SV2C: variants seen among roughly 807,000 people sequenced by gnomAD.
SV2C encodes the protein solute carrier family 22 member B3.
Under a neutral mutation model 79.7 loss-of-function variants are expected in SV2C, and 49 were observed. The observed-to-expected ratio is 0.61, with a 90% CI of 0.49 to 0.78. The LOEUF (loss-of-function observed/expected upper bound fraction) is 0.78, where lower values mean the gene tolerates loss of function less well. Ranked by LOEUF, SV2C falls within the 30% of genes least tolerant of loss-of-function variation. The pLI is 0.00. For missense variants in SV2C, 833 were observed against 912.9 expected (o/e 0.91, Z 1.13); for synonymous variants, 334 against 333.2 (o/e 1.00, Z -0.03).
At chr5:76,044,244 T>A in the SV2C span, among the ~76,000 whole-genome samples, 1 of 152,346 alleles carries the variant, frequency 6.6e-6, no homozygotes, top group Non-Finnish European at 1.5e-5. Flanking sequence ...ATTATATCAT[T>A]ACTTTTTATG....
At chr5:76,042,928 A>G in the SV2C span, among the ~76,000 whole-genome samples, 5 of 152,124 alleles carry the variant, frequency 3.3e-5, no homozygotes, top group East Asian at 1.9e-4. Context: ...AATGAGGTCT[A>G]TTTCTTCTCC....
At chr5:76,211,061 T>C (rs1447186764) in intron 4 of SV2C, among the ~76,000 whole-genome samples, 1 of 152,186 alleles carries the variant, frequency 6.6e-6, no homozygotes. Flanking sequence ...GACTTATAGT[T>C]GTTCTTGGGA....
the SV2C span, among the ~76,000 whole-genome samples, chr5:76,006,155 T>C: frequency 6.6e-6 from 1 of 152,182 alleles, no homozygotes; most frequent in African/African-American, 2.4e-5. Flanking sequence ...ACTTCTTGGT[T>C]ACAGAAAGCT....
chr5:75,853,607 C>CAAAAAAAAAAA, the SV2C span, among the ~76,000 whole-genome samples: 18 of 28,464 alleles, frequency 6.3e-4, no homozygotes, highest in African/African-American at 2.6e-3. Context: ...GACTCCGTCT[C>CAAAAAAAAAAA]AAAAAAAAAA....
the SV2C span, among the ~76,000 whole-genome samples, chr5:75,927,203 T>C: frequency 9.9e-5 from 15 of 152,234 alleles, no homozygotes; most frequent in Middle Eastern, 3.4e-3. Context: ...CCTATGTTCA[T>C]TGCAGCATTA....
At chr5:75,854,872 A>G in the SV2C span, among the ~76,000 whole-genome samples, 1 of 152,060 alleles carries the variant, frequency 6.6e-6, no homozygotes, top group East Asian at 1.9e-4. Flanking sequence ...TTTATTACCA[A>G]TTAATTTTTT....
the SV2C span, among the ~76,000 whole-genome samples, chr5:76,018,302 C>T: frequency 6.6e-6 from 1 of 152,222 alleles, no homozygotes; most frequent in Admixed American, 6.5e-5. Flanking sequence ...CATATTTCAA[C>T]TTGAGATAGT....
chr5:76,310,089 G>A (rs1748377262), intron 12 of SV2C, among the ~76,000 whole-genome samples: 1 of 152,032 alleles, frequency 6.6e-6, no homozygotes, highest in African/African-American at 2.4e-5. Flanking sequence ...TCCTGTGCCA[G>A]GAACTATTTT....
chr5:76,276,977 G>A (rs1747042901), intron 4 of SV2C, among the ~76,000 whole-genome samples: 1 of 151,992 alleles, frequency 6.6e-6, no homozygotes, highest in Admixed American at 6.5e-5. Flanking sequence ...CACTAAAGTA[G>A]GAATGAATGA....
At chr5:75,880,679 T>A in the SV2C span, among the ~76,000 whole-genome samples, 2 of 152,156 alleles carry the variant, frequency 1.3e-5, no homozygotes, top group Admixed American at 6.5e-5. Context: ...CTCTAAGAAG[T>A]TCCAAACTTT....
chr5:76,308,304 C>T (rs1277507576), intron 12 of SV2C, among the ~76,000 whole-genome samples: 1 of 152,138 alleles, frequency 6.6e-6, no homozygotes. Flanking sequence ...AGTCCACACT[C>T]CCTTCCTGAT....
At chr5:76,217,636 A>G (rs1025405914) in intron 4 of SV2C, among the ~76,000 whole-genome samples, 8 of 152,220 alleles carry the variant, frequency 5.3e-5, no homozygotes, top group Non-Finnish European at 1.2e-4. Flanking sequence ...AGGTCATCCT[A>G]CATGGGATAC....
chr5:75,876,245 A>G, the SV2C span, among the ~76,000 whole-genome samples: 1 of 152,206 alleles, frequency 6.6e-6, no homozygotes, highest in Non-Finnish European at 1.5e-5. Context: ...AGCCATAAAA[A>G]TAATGAGATC....
At chr5:76,146,809 A>T (rs1458817237) in intron 2 of SV2C, among the ~76,000 whole-genome samples, 1 of 149,860 alleles carries the variant, frequency 6.7e-6, no homozygotes, top group Non-Finnish European at 1.5e-5. Flanking sequence ...AAAAAAAAAA[A>T]AAAAAAAAAA....
chr5:76,341,875 T>C (rs996270950), intron 12 of SV2C, among the ~76,000 whole-genome samples: 10 of 151,674 alleles, frequency 6.6e-5, no homozygotes, highest in African/African-American at 2.4e-4. Flanking sequence ...GGGGAGGGGG[T>C]GGAACCTTGG....
At chr5:76,033,039 T>C in the SV2C span, among the ~76,000 whole-genome samples, 2 of 152,220 alleles carry the variant, frequency 1.3e-5, no homozygotes, top group South Asian at 4.1e-4. Context: ...GCTGCATAAA[T>C]GTCTTCTTTT....
the SV2C span, among the ~76,000 whole-genome samples, chr5:76,022,560 G>T: frequency 1.3e-5 from 2 of 152,098 alleles, no homozygotes; most frequent in Non-Finnish European, 2.9e-5. Context: ...CCATAGCAGG[G>T]TCATAAACAC....
chr5:75,970,186 A>G, the SV2C span, among the ~76,000 whole-genome samples: 1 of 152,100 alleles, frequency 6.6e-6, no homozygotes, highest in African/African-American at 2.4e-5. Context: ...GTGTAGAGGG[A>G]AATGTATAGC....
At chr5:76,142,712 A>C (rs1276242282) in intron 2 of SV2C, among the ~76,000 whole-genome samples, 2 of 152,192 alleles carry the variant, frequency 1.3e-5, no homozygotes, top group African/African-American at 4.8e-5. Flanking sequence ...AAAGTTACTA[A>C]AGAGTATATG....
Sources: gnomAD v4.1 joint callset for allele counts (sites outside exome capture counted in the v4.1 genomes callset) on GRCh38, gnomAD v4.1.1 for gene constraint, MANE v1.5 for transcripts, NCBI Gene and HGNC (gene_info 2026-07-23, HGNC 2026-07-21) for gene names.